The following PTPRK variants were observed in gnomAD, a reference collection of about 807,000 sequenced individuals.
PTPRK encodes receptor-type tyrosine-protein phosphatase kappa.
In PTPRK, 75 loss-of-function variants were observed where a neutral mutation model predicts 178.0. The ratio of observed to expected loss-of-function variants is 0.42; its 90% confidence interval spans 0.35 to 0.51. The LOEUF (loss-of-function observed/expected upper bound fraction) is 0.51, where lower values mean the gene tolerates loss of function less well. Among genes scored for constraint, PTPRK ranks in the 20% least tolerant of loss-of-function variants. The pLI is 0.02. For synonymous variants in PTPRK, 637 were observed against 620.6 expected (o/e 1.03, Z -0.39); for missense variants, 1,441 against 1,797.8 (o/e 0.80, Z 3.59).
intron 1 of PTPRK, among the ~76,000 whole-genome samples, chr6:128,431,340 C>T (rs1436148033): frequency 6.6e-6 from 1 of 152,014 alleles, no homozygotes; most frequent in Admixed American, 6.6e-5. Context: ...CCTTAAAACA[C>T]AAGCATCCAT....
intron 1 of PTPRK, among the ~76,000 whole-genome samples, chr6:128,483,416 T>TA (rs1315298928): frequency 6.6e-6 from 1 of 152,180 alleles, no homozygotes; most frequent in African/African-American, 2.4e-5. Flanking sequence ...ATGTTTCTTA[T>TA]AAAAATAATT....
At chr6:128,313,296 T>G (rs774702581) in intron 3 of PTPRK, among the ~76,000 whole-genome samples, 2 of 152,214 alleles carry the variant, frequency 1.3e-5, no homozygotes, top group Non-Finnish European at 2.9e-5. Context: ...AATTGCTTTC[T>G]GAAATATAAA....
chr6:128,051,461 A>G (rs1392017046), intron 13 of PTPRK, among the ~76,000 whole-genome samples: 1 of 152,182 alleles, frequency 6.6e-6, no homozygotes, highest in East Asian at 1.9e-4. Flanking sequence ...ACTCAACCAT[A>G]GACATCCCAG....
At position 128,016,007 on chromosome 6, in the gene PTPRK, TATCTC is replaced by T. The variant is rs1423901159; in HGVS notation, c.2195-6744_2195-6740del. On this transcript the variant is annotated intron_variant, in intron 13 of 29. Coordinates refer to ENST00000368226, the MANE Select transcript of PTPRK (RefSeq NM_002844.4). ...AAATGACCTTTTGAGATACCTGAAA[TATCTC>T]TACCTGTTTTTTTCTCTGAAATGCT... Among the ~76,000 whole-genome samples the T allele has an allele frequency of 2.6e-5, 4 of 151,846 alleles. No individual in the cohort carries two copies. The East Asian group carries it at 7.7e-4, about 29-fold the overall frequency.
intron 1 of PTPRK, among the ~76,000 whole-genome samples, chr6:128,462,135 G>T (rs1181821503): frequency 6.6e-6 from 1 of 151,902 alleles, no homozygotes; most frequent in Non-Finnish European, 1.5e-5. Flanking sequence ...GGCTAGATTT[G>T]TCAGTCTTCT....
intron 1 of PTPRK, among the ~76,000 whole-genome samples, chr6:128,504,618 A>G (rs1355720870): frequency 1.3e-5 from 2 of 152,204 alleles, no homozygotes; most frequent in Non-Finnish European, 2.9e-5. Flanking sequence ...GGCACAATGT[A>G]CCTTGCAAAA....
chr6:128,300,370 G>C (rs1825366182), intron 3 of PTPRK, among the ~76,000 whole-genome samples: 1 of 151,942 alleles, frequency 6.6e-6, no homozygotes, highest in South Asian at 2.1e-4. Context: ...TCCCATTACT[G>C]GGTATATACC....
chr6:128,011,015 C>T (rs1256237916), intron 13 of PTPRK, among the ~76,000 whole-genome samples: 1 of 150,990 alleles, frequency 6.6e-6, no homozygotes, highest in African/African-American at 2.4e-5. Flanking sequence ...TTTTCCTTTC[C>T]AGGGCGACGT....
At chr6:128,172,271 T>C (rs1024720090) in intron 7 of PTPRK, among the ~76,000 whole-genome samples, 1 of 152,028 alleles carries the variant, frequency 6.6e-6, no homozygotes. Context: ...TCAGATGATA[T>C]TTGTACTGCT....
At chr6:127,982,296 G>A (rs970783641) in intron 24 of PTPRK, among the ~76,000 whole-genome samples, 6 of 150,872 alleles carry the variant, frequency 4.0e-5, no homozygotes, top group Non-Finnish European at 5.9e-5. Context: ...TTTCTGAGAC[G>A]GAGTCTCGCT....
chr6:128,357,786 G>A (rs541635773), intron 2 of PTPRK, among the ~76,000 whole-genome samples: 1 of 152,312 alleles, frequency 6.6e-6, no homozygotes, highest in African/African-American at 2.4e-5. Context: ...TGCTGATTAT[G>A]CTGATATTGT....
At chr6:128,516,930 G>A (rs149315686) in intron 1 of PTPRK, among the ~76,000 whole-genome samples, 3,228 of 151,644 alleles carry the variant, frequency 0.021, 56 homozygotes, top group Non-Finnish European at 0.031. Flanking sequence ...CTCAAGTAAG[G>A]ATTTATACGA....
At chr6:128,415,578 T>C (rs905140283) in intron 1 of PTPRK, among the ~76,000 whole-genome samples, 7 of 151,382 alleles carry the variant, frequency 4.6e-5, no homozygotes, top group South Asian at 4.2e-4. Context: ...TTGAGGATAA[T>C]GTCCATTTGT....
rs373678488 is a variant in PTPRK at position 128,435,138 on chromosome 6, C to A, written c.101-37450G>T. ...GAAGGCAGGCAGGAAGGCAGGCAGGCAGGCAGGCAGGCAGGCAGGCAGGCA... is the reference window on the plus strand; with the variant it reads ...GAAGGCAGGCAGGAAGGCAGGCAGGAAGGCAGGCAGGCAGGCAGGCAGGCA... On this transcript the variant is annotated intron_variant, in intron 1 of 29. Coordinates refer to ENST00000368226, the MANE Select transcript of PTPRK (RefSeq NM_002844.4). Among the ~76,000 whole-genome samples, 64 of 139,346 alleles carry A rather than the reference C, an allele frequency of 4.6e-4. 1 individual carries two copies. In the South Asian group the frequency reaches 6.9e-3, roughly 15 times the overall value. The allele number at this position is 139,346 out of a possible 152,430, so 91.4% of individuals were successfully genotyped here. A position where few individuals can be genotyped will look rare whatever the true frequency, so the allele number is the denominator to read the frequency against.
At chr6:128,223,247 A>G (rs1033139704) in intron 5 of PTPRK, among the ~76,000 whole-genome samples, 1 of 151,970 alleles carries the variant, frequency 6.6e-6, no homozygotes, top group African/African-American at 2.4e-5. Context: ...AATTCACTGA[A>G]CATTTTAGAG....
At chr6:128,093,708 G>A (rs1787440583) in intron 7 of PTPRK, among the ~76,000 whole-genome samples, 1 of 151,114 alleles carries the variant, frequency 6.6e-6, no homozygotes, top group South Asian at 2.1e-4. Flanking sequence ...TGCAATGAGT[G>A]GTTATATTTC....
At chr6:127,975,355 T>C (rs1010786760) in intron 27 of PTPRK, among the ~76,000 whole-genome samples, 1 of 152,182 alleles carries the variant, frequency 6.6e-6, no homozygotes, top group African/African-American at 2.4e-5. Flanking sequence ...ATCTAAGATA[T>C]GCATGAATAT....
Position 128,122,378 on chromosome 6 carries a change from G to A in PTPRK, c.1163-32386C>T, listed in dbSNP as rs188016037. ...GTATATTAGAAGATAGCTGGATAAC[G>A]GAGGTGGAATCTTACCTGAAATCCT... On this transcript the variant is annotated intron_variant, in intron 7 of 29. Coordinates refer to ENST00000368226, the MANE Select transcript of PTPRK (RefSeq NM_002844.4). Among the ~76,000 whole-genome samples the A allele has an allele frequency of 1.9e-3, 288 of 152,154 alleles. 1 individual carries two copies. The highest frequency in any genetic ancestry group is 6.1e-3 in the African/African-American group (252 of 41,518).
chr6:128,385,623 G>A (rs1838594748), intron 2 of PTPRK, among the ~76,000 whole-genome samples: 1 of 152,170 alleles, frequency 6.6e-6, no homozygotes, highest in Non-Finnish European at 1.5e-5. Context: ...CTTTTCTAGT[G>A]TGATACGGTT....
Sources: allele counts gnomAD v4.1 joint callset (sites outside exome capture counted in the v4.1 genomes callset), GRCh38; gene constraint gnomAD v4.1.1; transcripts MANE v1.5; gene names NCBI Gene and HGNC (gene_info 2026-07-23, HGNC 2026-07-21).